PDXK: variants seen among roughly 807,000 people sequenced by gnomAD.
The protein encoded by PDXK is epididymis secretory sperm binding protein Li 1a.
Under a neutral mutation model 43.2 loss-of-function variants are expected in PDXK, and 15 were observed. The ratio of observed to expected loss-of-function variants is 0.35; its 90% CI spans 0.23 to 0.53. The LOEUF (loss-of-function observed/expected upper bound fraction) is 0.53, where lower values mean the gene tolerates loss of function less well. Ranked by LOEUF, PDXK falls within the 20% of genes least tolerant of loss-of-function variation. PDXK has a pLI of 0.92. For synonymous variants in PDXK, 172 were observed against 165.4 expected, an observed-to-expected ratio of 1.04 and a Z score of -0.31; for missense variants, 343 against 417.0, an observed-to-expected ratio of 0.82 and a Z score of 1.54.
chr21:43,745,901 G>T (rs1461876372), intron 4 of PDXK, 178 bp from the exon 5 acceptor site: 4 of 630,810 alleles, frequency 6.3e-6, no homozygotes, highest in Non-Finnish European at 8.8e-6. Context: ...GGAGGGTGAG[G>T]CAGGAGGATC....
At position 43,761,569 on chromosome 21, in the gene PDXK, C is replaced by T. The variant is rs1033676068; in HGVS notation, c.*5506C>T. 1 of 153,698 alleles carries T rather than the reference C, an allele frequency of 6.5e-6. No individual in the cohort carries two copies. 9.5% of individuals were successfully genotyped at this position (153,698 alleles called of 1,614,324 possible). A position where few individuals can be genotyped will look rare whatever the true frequency, so the allele number is the denominator to read the frequency against. Reference sequence around the variant, plus strand: ...TCGCCTCGCCCACCGGCCTGCGAAGCCAGCATCTCCGTGAAGGTGGATGGA... The same window carrying T: ...TCGCCTCGCCCACCGGCCTGCGAAGTCAGCATCTCCGTGAAGGTGGATGGA... On this transcript the variant is annotated 3_prime_UTR_variant, in exon 11 of 11. Transcript: ENST00000291565.
chr21:43,738,528 G>A (rs541398476), intron 2 of PDXK: 1 of 152,234 alleles, frequency 6.6e-6, no homozygotes, highest in Non-Finnish European at 1.5e-5. Flanking sequence ...AGCCACAAGA[G>A]GCCTCTGAGG....
At chr21:43,749,808 C>T (rs943380441) in intron 6 of PDXK, among the ~76,000 whole-genome samples, 6 of 152,106 alleles carry the variant, frequency 3.9e-5, no homozygotes, top group Non-Finnish European at 7.4e-5. Context: ...GGTCACCTGC[C>T]GCCCTGTGAG....
rs2083392632 is a variant in PDXK at position 43,735,886 on chromosome 21, T to C, written c.142+1763T>C. Among the ~76,000 whole-genome samples, 1 of 152,120 alleles carries C rather than the reference T, an allele frequency of 6.6e-6. No homozygotes were observed. The highest frequency in any genetic ancestry group is 6.5e-5 in the Admixed American group (1 of 15,276). ...ACCGGGGCCCTTCTGCCTGCTCCCCTTCCCTCGCCCCTGCCACACTGTGCT... is the reference window on the plus strand; with the variant it reads ...ACCGGGGCCCTTCTGCCTGCTCCCCCTCCCTCGCCCCTGCCACACTGTGCT... On this transcript the variant is annotated intron_variant, in intron 2 of 10. Transcript: ENST00000291565. This position sits in a 1 kb window ranked among gnomAD's most constrained non-coding sequence, Gnocchi z 5.3.
In PDXK at chr21:43,754,737, G is replaced by A. The variant is rs73908383; in HGVS notation, c.760-961G>A. On this transcript the variant is annotated intron_variant, in intron 9 of 10. Transcript: ENST00000291565. The surrounding 1 kb of genome is among the most constrained non-coding windows in gnomAD (Gnocchi z 5.5). ...GGACACCTCTGTCACTATTGGGTGC[G>A]CTGGGGAAGGAAGAGTTCAGAGGTC... Among the ~76,000 whole-genome samples, 5,770 of 152,224 alleles carry A rather than the reference G, an allele frequency of 0.038. 354 individuals carry two copies. The highest frequency in any genetic ancestry group is 0.13 in the African/African-American group (5,371 of 41,518).
At chr21:43,752,670 C>A in intron 8 of PDXK, 41 bp downstream of exon 8, 1 of 1,215,618 alleles carries the variant, frequency 8.2e-7, no homozygotes, top group Non-Finnish European at 1.2e-6. Flanking sequence ...CTCTGCTCTT[C>A]CCAGAGGAAG....
In PDXK at chr21:43,755,508, C is replaced by T. The variant is rs576698284; in HGVS notation, c.760-190C>T. 1.7e-4 allele frequency: 104 copies of T among 609,178 alleles called. 2 individuals carry two copies. The highest frequency in any genetic ancestry group is 1.6e-3 in the South Asian group (82 of 52,826). The allele number at this position is 609,178 out of a possible 1,614,324, so 37.7% of individuals were successfully genotyped here. A position where few individuals can be genotyped will look rare whatever the true frequency, so the allele number is the denominator to read the frequency against. On this transcript the variant is annotated intron_variant, in intron 9 of 10. Coordinates refer to ENST00000291565, the MANE Select transcript of PDXK (RefSeq NM_003681.5). ...GGGACCGGGCATCTGCTCAGCCCTC[C>T]GGGCTCTCCGTGGTGGGCAGTCCGC... is the stretch of plus-strand genomic sequence containing the variant.
intron 2 of PDXK, 112 bp from the exon 3 acceptor site, chr21:43,741,555 G>A (rs2083529583): frequency 2.6e-6 from 4 of 1,531,154 alleles, no homozygotes; most frequent in East Asian, 2.3e-5. Context: ...CAGTCCATGG[G>A]GAGGAGCCGT....
rs932211974 is a variant in PDXK, at chr21:43,760,600, G to C, written c.*4537G>C. ...CCAGGTCCCTGCGTCCATCCCCCCCGGTAGGATGGACGTGAGCCATCCTTC... is the reference window on the plus strand; with the variant it reads ...CCAGGTCCCTGCGTCCATCCCCCCCCGTAGGATGGACGTGAGCCATCCTTC... On this transcript the variant is annotated 3_prime_UTR_variant, in exon 11 of 11. Coordinates refer to ENST00000291565, the MANE Select transcript of PDXK (RefSeq NM_003681.5). The C allele has an allele frequency of 6.6e-6, 1 of 152,216 alleles. No individual in the cohort carries two copies. Among genetic ancestry groups the C allele is most frequent in the Non-Finnish European group, 1.5e-5 (1 of 68,058 alleles). The allele number at this position is 152,216 out of a possible 1,614,324, so 9.4% of individuals were successfully genotyped here. A position where few individuals can be genotyped will look rare whatever the true frequency, so the allele number is the denominator to read the frequency against.
chr21:43,726,610 G>T (rs1414643021), intron 1 of PDXK, among the ~76,000 whole-genome samples: 1 of 152,104 alleles, frequency 6.6e-6, no homozygotes, highest in African/African-American at 2.4e-5. Flanking sequence ...GTTTCACCAT[G>T]TTGGCCAGGC....
intron 1 of PDXK, among the ~76,000 whole-genome samples, chr21:43,721,287 T>C (rs1038364925): frequency 6.6e-6 from 1 of 152,252 alleles, no homozygotes; most frequent in Non-Finnish European, 1.5e-5. Flanking sequence ...AGGGGACGTG[T>C]CCCCAAAGTC....
chr21:43,719,487 G>C, intron 1 of PDXK, 106 bp downstream of exon 1: 1 of 1,319,368 alleles, frequency 7.6e-7, no homozygotes, highest in Non-Finnish European at 1.0e-6. Flanking sequence ...GGAGCTGCGG[G>C]CAGAGCCTGG....
At position 43,732,257 on chromosome 21, in the gene PDXK, C is replaced by T. The variant is rs1313174022; in HGVS notation, c.88-1812C>T. On this transcript the variant is annotated intron_variant, in intron 1 of 10. Coordinates refer to ENST00000291565, the MANE Select transcript of PDXK (RefSeq NM_003681.5). This position sits in a 1 kb window ranked among gnomAD's most constrained non-coding sequence, Gnocchi z 4.1. ...AGAGCGCTGGCTTCCAGCTGAAGGA[C>T]ATGTGTAACAGCAGGAGATACCTTT... 6.7e-7 allele frequency: 1 copy of T among 1,494,796 alleles called. No individual in the cohort carries two copies. The highest frequency in any genetic ancestry group is 1.4e-5 in the South Asian group (1 of 73,398). The allele number at this position is 1,494,796 out of a possible 1,614,324, so 92.6% of individuals were successfully genotyped here.
chr21:43,741,503 C>T (rs764375302), intron 2 of PDXK, 164 bp from the exon 3 acceptor site: 1 of 1,396,432 alleles, frequency 7.2e-7, no homozygotes, highest in African/African-American at 1.5e-5. Context: ...GCCGTTGGGA[C>T]CTGCCAAGCA....
intron 1 of PDXK, among the ~76,000 whole-genome samples, chr21:43,726,329 G>A (rs2083253714): frequency 7.2e-6 from 1 of 139,176 alleles, no homozygotes; most frequent in South Asian, 2.2e-4. Context: ...CTGGAGTGCA[G>A]TGGCGTGATC....
intron 4 of PDXK, among the ~76,000 whole-genome samples, chr21:43,744,092 G>A (rs760582909): frequency 2.0e-5 from 3 of 152,156 alleles, no homozygotes; most frequent in African/African-American, 4.8e-5. Context: ...GTGAATGCCT[G>A]GGGCCCAGGC....
intron 7 of PDXK, among the ~76,000 whole-genome samples, chr21:43,752,108 T>A (rs998188946): frequency 2.8e-4 from 43 of 151,920 alleles, no homozygotes; most frequent in African/African-American, 1.0e-3. Context: ...CACATGTGTG[T>A]GTGTGTGTGT....
rs1167962153 is a variant in PDXK at position 43,737,467 on chromosome 21, C to T, written c.142+3344C>T. 2 of 1,068,174 alleles carry T rather than the reference C, an allele frequency of 1.9e-6. No individual in the cohort carries two copies. Among genetic ancestry groups the T allele is most frequent in the African/African-American group, 1.7e-5 (1 of 58,596 alleles). 66.2% of individuals were successfully genotyped at this position (1,068,174 alleles called of 1,614,324 possible). A position where few individuals can be genotyped will look rare whatever the true frequency, so the allele number is the denominator to read the frequency against. ...GAGAGGATTTCCTGGAGCTCCCTGTCTGAGCTTCCCGGACTGAGGGCACTG... is the reference window on the plus strand; with the variant it reads ...GAGAGGATTTCCTGGAGCTCCCTGTTTGAGCTTCCCGGACTGAGGGCACTG... On this transcript the variant is annotated intron_variant, in intron 2 of 10. Coordinates refer to ENST00000291565, the MANE Select transcript of PDXK (RefSeq NM_003681.5). This position sits in a 1 kb window ranked among gnomAD's most constrained non-coding sequence, Gnocchi z 4.8.
At chr21:43,750,858 A>C (rs186463436) in intron 7 of PDXK, among the ~76,000 whole-genome samples, 1 of 148,690 alleles carries the variant, frequency 6.7e-6, no homozygotes, top group Non-Finnish European at 1.5e-5. Flanking sequence ...GCACATGTGC[A>C]TGTGCGTCTG....
Sources: allele counts gnomAD v4.1 joint callset (sites outside exome capture counted in the v4.1 genomes callset), GRCh38; gene constraint gnomAD v4.1.1; non-coding constraint Gnocchi (gnomAD v3.1); transcripts MANE v1.5; gene names NCBI Gene and HGNC (gene_info 2026-07-23, HGNC 2026-07-21).